SPATA17: variants seen among roughly 807,000 people sequenced by gnomAD.
SPATA17 encodes the protein spermatogenesis associated 17.
SPATA17 carries 53 observed loss-of-function variants against 62.2 expected under a neutral mutation model. The observed-to-expected ratio is 0.85, with a 90% CI of 0.68 to 1.07. The LOEUF (loss-of-function observed/expected upper bound fraction) is 1.07. Ranked by LOEUF, SPATA17 falls within the 50% of genes least tolerant of loss-of-function variation. The probability of loss-of-function intolerance (pLI) is 0.00; values close to 1 mark genes in which losing one functional copy is unlikely to be tolerated. For missense variants in SPATA17, 466 were observed against 425.5 expected (o/e 1.10, Z -0.84); for synonymous variants, 146 against 146.8 (o/e 0.99, Z 0.04).
chr1:217,749,967 C>CTG (rs1473405599), intron 6 of SPATA17, among the ~76,000 whole-genome samples: 1 of 47,250 alleles, frequency 2.1e-5, no homozygotes, highest in Non-Finnish European at 4.9e-5. Flanking sequence ...CTCTCTCTCT[C>CTG]TCTCTCTCTC....
chr1:217,815,551 G>A (rs1674691568), intron 9 of SPATA17, among the ~76,000 whole-genome samples: 1 of 152,138 alleles, frequency 6.6e-6, no homozygotes, highest in African/African-American at 2.4e-5. Flanking sequence ...GTAGTTTTAT[G>A]TTATGTCAGT....
chr1:217,657,565 A>C lies in SPATA17; in HGVS notation c.240+6387A>C, dbSNP rs1308398043. Among the ~76,000 whole-genome samples, 5 of 152,268 alleles carry C rather than the reference A, an allele frequency of 3.3e-5. No homozygotes were observed. The East Asian group carries it at 9.6e-4, about 29-fold the overall frequency. On this transcript the variant is annotated intron_variant, in intron 3 of 10. Transcript: ENST00000366933. Reference sequence around the variant, plus strand: ...CTGTCACACACTTAGTCCTAAATTAAGTTTGCTTAAATCATCATTTTCTTA... The same window carrying C: ...CTGTCACACACTTAGTCCTAAATTACGTTTGCTTAAATCATCATTTTCTTA...
intron 9 of SPATA17, among the ~76,000 whole-genome samples, chr1:217,855,548 T>C (rs747905535): frequency 6.6e-6 from 1 of 152,172 alleles, no homozygotes; most frequent in Non-Finnish European, 1.5e-5. Context: ...CATATCTTTA[T>C]ATCTTGTATT....
intron 9 of SPATA17, among the ~76,000 whole-genome samples, chr1:217,815,991 G>A (rs186096953): frequency 5.1e-4 from 77 of 152,162 alleles, no homozygotes; most frequent in African/African-American, 1.7e-3. Context: ...CTGCTCTGAA[G>A]CAGAATGAAC....
chr1:217,743,015 A>G (rs6673733), intron 6 of SPATA17, among the ~76,000 whole-genome samples: 64,127 of 125,584 alleles, frequency 0.51, 13,371 homozygotes, highest in Non-Finnish European at 0.59. Flanking sequence ...GATCTCCCGC[A>G]TCTCTAGCCT....
Position 217,751,406 on chromosome 1 carries a change from T to G in SPATA17, c.519+9308T>G, listed in dbSNP as rs115622986. Among the ~76,000 whole-genome samples, 1,383 of 152,326 alleles carry G rather than the reference T, an allele frequency of 9.1e-3. 25 individuals carry two copies. The highest frequency in any genetic ancestry group is 0.032 in the African/African-American group (1,317 of 41,574). On this transcript the variant is annotated intron_variant, in intron 6 of 10. Coordinates refer to ENST00000366933, the MANE Select transcript of SPATA17 (RefSeq NM_138796.4). Reference sequence around the variant, plus strand: ...GACCCACGATCTTTGGATCCATAGTTTAAGAGGCAGGTCCTCAAGTCTGGA... The same window carrying G: ...GACCCACGATCTTTGGATCCATAGTGTAAGAGGCAGGTCCTCAAGTCTGGA...
intron 8 of SPATA17, among the ~76,000 whole-genome samples, chr1:217,793,032 T>C (rs1571809152): frequency 1.3e-5 from 2 of 152,160 alleles, no homozygotes; most frequent in Admixed American, 6.5e-5. Flanking sequence ...GAAATATCCA[T>C]AGTGAACATT....
intron 9 of SPATA17, among the ~76,000 whole-genome samples, chr1:217,818,860 C>G (rs778635642): frequency 1.4e-5 from 2 of 147,418 alleles, no homozygotes; most frequent in Non-Finnish European, 3.0e-5. Flanking sequence ...TCTCTCTCAC[C>G]CATATTACTT....
intron 1 of SPATA17, among the ~76,000 whole-genome samples, chr1:217,640,596 CA>C (rs1670040303): frequency 6.6e-6 from 1 of 151,824 alleles, no homozygotes; most frequent in Admixed American, 6.6e-5. Flanking sequence ...GGATTATGTA[CA>C]AGGGCGTTCA....
chr1:217,742,682 T>C (rs919938785), intron 6 of SPATA17, among the ~76,000 whole-genome samples: 1 of 152,156 alleles, frequency 6.6e-6, no homozygotes, highest in African/African-American at 2.4e-5. Flanking sequence ...TAGGAAAGAA[T>C]ACATGTCATG....
intron 8 of SPATA17, among the ~76,000 whole-genome samples, chr1:217,794,464 C>T (rs1028674745): frequency 6.6e-6 from 1 of 152,178 alleles, no homozygotes; most frequent in Non-Finnish European, 1.5e-5. Context: ...GAGCTACTCA[C>T]TTTAAAATTC....
chr1:217,820,591 G>A (rs893399707), intron 9 of SPATA17, among the ~76,000 whole-genome samples: 2 of 151,688 alleles, frequency 1.3e-5, no homozygotes, highest in African/African-American at 2.4e-5. Context: ...AAAATTGGAA[G>A]TCAGTTACAG....
At chr1:217,688,862 C>G (rs998297247) in intron 5 of SPATA17, among the ~76,000 whole-genome samples, 4 of 149,630 alleles carry the variant, frequency 2.7e-5, no homozygotes, top group Non-Finnish European at 6.0e-5. Flanking sequence ...ACTTGAACAC[C>G]CTGTCTTAAT....
At chr1:217,717,121 C>G (rs184696675) in intron 5 of SPATA17, among the ~76,000 whole-genome samples, 2 of 152,138 alleles carry the variant, frequency 1.3e-5, no homozygotes, top group South Asian at 4.1e-4. Context: ...ACATTAAGAC[C>G]CATCCTAACC....
At chr1:217,833,941 A>C (rs970897990) in intron 9 of SPATA17, among the ~76,000 whole-genome samples, 2 of 152,188 alleles carry the variant, frequency 1.3e-5, no homozygotes, top group African/African-American at 4.8e-5. Flanking sequence ...TAAAAATAAT[A>C]ATTTACTTAG....
At chr1:217,683,385 A>G (rs1357214457) in intron 5 of SPATA17, 24 bp downstream of exon 5, 2 of 1,429,056 alleles carry the variant, frequency 1.4e-6, no homozygotes, top group Non-Finnish European at 2.0e-6. Context: ...TCATCCATTC[A>G]CTAGGGAAAA....
rs775182575 is a variant in SPATA17, at chr1:217,648,959, G to A, written c.146G>A (p.Arg49Gln). ...AGCTGGTTTCGAGGATGTCAAGTTC[G>A]GGCATATATCAGGTATATTGCTTTT... is the stretch of plus-strand genomic sequence containing the variant. ...IQSWFRGCQVRAYIRHLNRIV... is the reference protein window; with the variant it reads ...IQSWFRGCQVQAYIRHLNRIV... The change falls in exon 2 of 11, where the codon CGG (arginine) becomes CAG (glutamine). Residue 49 changes from arginine (R) to glutamine (Q), a missense_variant. Transcript: ENST00000366933. 58 of 1,608,642 alleles carry A rather than the reference G, an allele frequency of 3.6e-5. No individual in the cohort carries two copies. Among genetic ancestry groups the A allele is most frequent in the Non-Finnish European group, 3.4e-5 (40 of 1,177,642 alleles).
chr1:217,708,035 C>T (rs866987785), intron 5 of SPATA17, among the ~76,000 whole-genome samples: 4 of 152,116 alleles, frequency 2.6e-5, no homozygotes, highest in African/African-American at 4.8e-5. Context: ...ATACCAAAAT[C>T]GCTGGGACAC....
chr1:217,698,823 A>G (rs1272016052), intron 5 of SPATA17, among the ~76,000 whole-genome samples: 2 of 152,090 alleles, frequency 1.3e-5, no homozygotes, highest in Non-Finnish European at 2.9e-5. Flanking sequence ...CTCCCTAAAT[A>G]TCCCTTATGT....
Sources: allele counts gnomAD v4.1 joint callset (sites outside exome capture counted in the v4.1 genomes callset), GRCh38; gene constraint gnomAD v4.1.1; transcripts MANE v1.5; gene names NCBI Gene and HGNC (gene_info 2026-07-23, HGNC 2026-07-21).